The following RBCK1 variants were observed in gnomAD, a reference collection of about 807,000 sequenced individuals.
The protein encoded by RBCK1 is ranBP-type and C3HC4-type zinc finger-containing protein 1.
A neutral mutation model predicts 71.1 loss-of-function variants in RBCK1; 44 were observed. The ratio of observed to expected loss-of-function variants is 0.62; its 90% CI spans 0.49 to 0.80. The LOEUF is 0.80. Ranked by LOEUF, RBCK1 falls within the 30% of genes least tolerant of loss-of-function variation. The pLI is 0.00. For missense variants in RBCK1, 569 were observed against 685.0 expected, an observed-to-expected ratio of 0.83 and a Z score of 1.89; for synonymous variants, 306 against 279.7, an observed-to-expected ratio of 1.09 and a Z score of -0.94.
At position 417,391 on chromosome 20, in the gene RBCK1, G is replaced by A. The variant is rs2016056323; in HGVS notation, c.168-135G>A. ...CATGGGTGGGGCCTACCCCAGACTG[G>A]GGTTTGTGTGTGTGTGTGTGTGTGT... On this transcript the variant is annotated intron_variant, in intron 2 of 11. Coordinates refer to ENST00000356286, the MANE Select transcript of RBCK1 (RefSeq NM_031229.4). The surrounding 1 kb of genome is among the most constrained non-coding windows in gnomAD (Gnocchi z 4.7). 2.4e-6 allele frequency: 2 copies of A among 834,088 alleles called. No individual in the cohort carries two copies. The highest frequency in any genetic ancestry group is 2.6e-5 in the East Asian group (1 of 39,100). 51.7% of individuals were successfully genotyped at this position (834,088 alleles called of 1,614,324 possible).
At chr20:415,113 T>C (rs1311050322) in intron 2 of RBCK1, among the ~76,000 whole-genome samples, 1 of 152,204 alleles carries the variant, frequency 6.6e-6, no homozygotes, top group Non-Finnish European at 1.5e-5. Flanking sequence ...CGATGGATGA[T>C]GCTTGTAATC....
At chr20:411,541 G>T (rs1424036793) in intron 2 of RBCK1, among the ~76,000 whole-genome samples, 1 of 152,106 alleles carries the variant, frequency 6.6e-6, no homozygotes, top group East Asian at 1.9e-4. Context: ...CTAATTTTTT[G>T]TATTTTTAGT....
chr20:423,803 A>C lies in RBCK1; in HGVS notation c.1029+1565A>C, dbSNP rs73567142. The stretch of plus-strand genomic sequence containing the variant: ...GTCTGGGCAGGGCCTCGCTGATTTC[A>C]CCTGGGCCTGGCTGGTGGGTCAGCC... On this transcript the variant is annotated intron_variant, in intron 8 of 11. Coordinates refer to ENST00000356286, the MANE Select transcript of RBCK1 (RefSeq NM_031229.4). 9.7e-3 allele frequency among the ~76,000 whole-genome samples: 1,481 copies of C among 152,194 alleles called. 31 individuals carry two copies. The highest frequency in any genetic ancestry group is 0.034 in the African/African-American group (1,420 of 41,524).
intron 8 of RBCK1, among the ~76,000 whole-genome samples, chr20:426,816 C>CTTTTTTTTTTTTTTTTTTTTTTTTTTT (rs768525416): frequency 1.0e-5 from 1 of 95,508 alleles, no homozygotes; most frequent in Non-Finnish European, 2.0e-5. Context: ...TTTTCTTTTC[C>CTTTTTTTTTTTTTTTTTTTTTTTTTTT]TTTTTTTTTT....
rs1348019246 is a variant in RBCK1, at chr20:431,996, A to G, written c.*1566A>G. Reference sequence around the variant, plus strand: ...CTCAGGAGCCTGGGCATGAGACAAAAGCAGAGATTGTTCTCTTGTGGTACC... The same window carrying G: ...CTCAGGAGCCTGGGCATGAGACAAAGGCAGAGATTGTTCTCTTGTGGTACC... On this transcript the variant is annotated 3_prime_UTR_variant, in exon 12 of 12. Transcript: ENST00000356286. The surrounding 1 kb of genome is among the most constrained non-coding windows in gnomAD (Gnocchi z 4.8). Among the ~76,000 whole-genome samples, 1 of 152,242 alleles carries G rather than the reference A, an allele frequency of 6.6e-6. No homozygotes were observed. Among genetic ancestry groups the G allele is most frequent in the Non-Finnish European group, 1.5e-5 (1 of 68,038 alleles).
chr20:430,618 T>C lies in RBCK1; in HGVS notation c.*188T>C. 1 of 629,600 alleles carries C rather than the reference T, an allele frequency of 1.6e-6. No homozygotes were observed. The highest frequency in any genetic ancestry group is 2.8e-6 in the Non-Finnish European group (1 of 356,368). 39.0% of individuals were successfully genotyped at this position (629,600 alleles called of 1,614,324 possible). ...TCCCTTGGGGCTTGCCGGCCAGACT[T>C]CTCTCCCCTGCGGCTCCCACCTCTG... On this transcript the variant is annotated 3_prime_UTR_variant, in exon 12 of 12. Coordinates refer to ENST00000356286, the MANE Select transcript of RBCK1 (RefSeq NM_031229.4). The surrounding 1 kb of genome is among the most constrained non-coding windows in gnomAD (Gnocchi z 5.6).
intron 11 of RBCK1, 132 bp downstream of exon 11, chr20:429,226 A>T (rs2016895493): frequency 4.0e-6 from 4 of 1,003,326 alleles, no homozygotes; most frequent in South Asian, 2.4e-5. Flanking sequence ...CGAGGTAAGA[A>T]TTTTTTTTTT....
At position 428,508 on chromosome 20, in the gene RBCK1, G is replaced by A. The variant is rs538876684; in HGVS notation, c.1227G>A (p.Met409Ile). The change falls in exon 10 of 12, where the codon ATG becomes ATA. Residue 409 changes from methionine (M) to isoleucine (I), a missense_variant. Transcript: ENST00000356286. This position sits in a 1 kb window ranked among gnomAD's most constrained non-coding sequence, Gnocchi z 5.7. ...CLLCKAIHEQ[M>I]NCKEYQEDLA... ...CGCTACAGGCCATCCATGAGCAGAT[G>A]AACTGCAAGGAGTATCAGGAGGACC... 1 of 1,610,284 alleles carries A rather than the reference G, an allele frequency of 6.2e-7. No homozygotes were observed. The highest frequency in any genetic ancestry group is 1.3e-5 in the African/African-American group (1 of 74,992).
rs767184087 is a variant in RBCK1, at chr20:409,977, C to T, written c.119C>T (p.Pro40Leu). The change falls in exon 2 of 12, where the codon CCC becomes CTC. Residue 40 changes from proline (P) to leucine (L), a missense_variant. Transcript: ENST00000356286. ...ATCTGGCTGGCAGAGCAACGGGTGC[C>T]CCTGAGTGTGCAACTGAAGCCTGAG... ...CAIWLAEQRV[P>L]LSVQLKPEVS... The T allele has an allele frequency of 3.1e-6, 5 of 1,614,012 alleles. No individual in the cohort carries two copies. The highest frequency in any genetic ancestry group is 2.2e-5 in the East Asian group (1 of 44,892).
rs757958288 is a variant in RBCK1 at position 408,702 on chromosome 20, G to A, written c.-56G>A. 1 of 1,606,996 alleles carries A rather than the reference G, an allele frequency of 6.2e-7. No individual in the cohort carries two copies. The highest frequency in any genetic ancestry group is 1.1e-5 in the South Asian group (1 of 89,612). On this transcript the variant is annotated 5_prime_UTR_variant, in exon 1 of 12. Coordinates refer to ENST00000356286, the MANE Select transcript of RBCK1 (RefSeq NM_031229.4). The stretch of plus-strand genomic sequence containing the variant: ...CCCGCCTCTCCCAGGCGACCCGGAG[G>A]TAGCATTTCCCAGGAGGCACGGTCC...
At chr20:419,774 G>A (rs1270601563) in intron 6 of RBCK1, 43 bp downstream of exon 6, 1 of 1,518,346 alleles carries the variant, frequency 6.6e-7, no homozygotes, top group Non-Finnish European at 8.8e-7. Context: ...AGACCGCACG[G>A]GGGAGGTGTA....
chr20:425,136 A>G lies in RBCK1; in HGVS notation c.1030-2177A>G, dbSNP rs868259921. On this transcript the variant is annotated intron_variant, in intron 8 of 11. Transcript: ENST00000356286. ...CGCCATTCTCCTGCCTCAGCCTCCC[A>G]AGTAGCTGGGACTAGAGGCGCACAC... Among the ~76,000 whole-genome samples the G allele has an allele frequency of 3.3e-5, 5 of 151,742 alleles. No individual in the cohort carries two copies. In the South Asian group the frequency reaches 6.3e-4, roughly 19 times the overall value.
At chr20:424,452 C>T (rs776732477) in intron 8 of RBCK1, among the ~76,000 whole-genome samples, 9 of 152,200 alleles carry the variant, frequency 5.9e-5, no homozygotes, top group Non-Finnish European at 1.2e-4. Context: ...TGCCTCTCTC[C>T]TATGCCCCTA....
chr20:418,431 C>T (rs1375778253), intron 4 of RBCK1, among the ~76,000 whole-genome samples: 4 of 152,006 alleles, frequency 2.6e-5, no homozygotes, highest in Non-Finnish European at 4.4e-5. Context: ...TGCAGTGGCA[C>T]AATCTCGGCT....
chr20:428,475 C>T lies in RBCK1; in HGVS notation c.1210-16C>T. The stretch of plus-strand genomic sequence containing the variant: ...CCTGAGGAACCTTCTTACCTTGAGT[C>T]CCTCACCCGCTACAGGCCATCCATG... On this transcript the variant is annotated splice_polypyrimidine_tract_variant and intron_variant, in intron 9 of 11. Transcript: ENST00000356286. The surrounding 1 kb of genome is among the most constrained non-coding windows in gnomAD (Gnocchi z 5.7). 6.3e-7 allele frequency: 1 copy of T among 1,578,088 alleles called. No individual in the cohort carries two copies. Among genetic ancestry groups the T allele is most frequent in the South Asian group, 1.2e-5 (1 of 86,290 alleles).
chr20:430,256 T>A lies in RBCK1; in HGVS notation c.1453-94T>A, dbSNP rs980973851. 35 of 1,143,038 alleles carry A rather than the reference T, an allele frequency of 3.1e-5. No homozygotes were observed. The highest frequency in any genetic ancestry group is 3.9e-5 in the Non-Finnish European group (30 of 774,018). 70.8% of individuals were successfully genotyped at this position (1,143,038 alleles called of 1,614,324 possible). ...ACCAGGCCATTCTTGCAGGAGGACC[T>A]GCAGAGGCAAAGGCCCGGGGTGGGA... On this transcript the variant is annotated intron_variant, in intron 11 of 11. Coordinates refer to ENST00000356286, the MANE Select transcript of RBCK1 (RefSeq NM_031229.4). The surrounding 1 kb of genome is among the most constrained non-coding windows in gnomAD (Gnocchi z 5.6).
chr20:419,398 GC>G lies in RBCK1; in HGVS notation c.518del (p.Pro173GlnfsTer103), dbSNP rs1470326364. ...CAGCCGCGGGGCCCTCTGGAGCCAG[GC>G]CCCCCAAAGCCCGGGGTCCCCCAGG... ...TLQPRGPLEP[G>X]PPKPGVPQEP... On this transcript the variant is annotated frameshift_variant, in exon 5 of 12. Transcript: ENST00000356286. LOFTEE classifies it high-confidence loss of function. 1.9e-6 allele frequency: 3 copies of G among 1,611,428 alleles called. No individual in the cohort carries two copies. Among genetic ancestry groups the G allele is most frequent in the Admixed American group, 1.7e-5 (1 of 59,768 alleles).
intron 8 of RBCK1, among the ~76,000 whole-genome samples, chr20:426,552 A>G (rs1258065777): frequency 1.3e-5 from 2 of 152,194 alleles, no homozygotes; most frequent in African/African-American, 4.8e-5. Context: ...TTGTGGCCGA[A>G]TAGTACTCCA....
In RBCK1 at chr20:427,395, G is replaced by T. The variant is rs1555787599; in HGVS notation, c.1112G>T (p.Cys371Phe). The T allele has an allele frequency of 6.2e-7, 1 of 1,614,160 alleles. No homozygotes were observed. The highest frequency in any genetic ancestry group is 8.5e-7 in the Non-Finnish European group (1 of 1,180,032). Residue 371 changes from cysteine (C) to phenylalanine (F), a missense_variant, in exon 9 of 12, where the codon TGC becomes TTC. By Grantham distance (205) the Cys-to-Phe change is radical. Transcript: ENST00000356286. ...AENRSAFSYH[C>F]KTPDCKGWCF... is the part of the protein sequence containing the mutation. ...AACCGCAGTGCCTTCAGCTACCATTGCAAGACCCCAGATTGCAAGGGATGG... is the reference window on the plus strand; with the variant it reads ...AACCGCAGTGCCTTCAGCTACCATTTCAAGACCCCAGATTGCAAGGGATGG...
Sources: gnomAD v4.1 joint callset for allele counts (sites outside exome capture counted in the v4.1 genomes callset) on GRCh38, gnomAD v4.1.1 for gene constraint, Gnocchi (gnomAD v3.1) non-coding constraint, MANE v1.5 for transcripts, NCBI Gene and HGNC (gene_info 2026-07-23, HGNC 2026-07-21) for gene names.